C17orf78: variants seen among roughly 807,000 people sequenced by gnomAD.
C17orf78 encodes the protein chromosome 17 open reading frame 78.
C17orf78 carries 27 observed loss-of-function variants against 31.8 expected under a neutral mutation model. The ratio of observed to expected loss-of-function variants is 0.85; its 90% CI spans 0.63 to 1.17. The LOEUF (loss-of-function observed/expected upper bound fraction) is 1.17, where lower values mean the gene tolerates loss of function less well. Ranked by LOEUF, C17orf78 falls within the 50% of genes most tolerant of loss-of-function variation. The pLI is 0.00. For missense variants in C17orf78, 258 were observed against 315.2 expected, an observed-to-expected ratio of 0.82 and a Z score of 1.37; for synonymous variants, 106 against 115.1, an observed-to-expected ratio of 0.92 and a Z score of 0.51.
intron 3 of C17orf78, among the ~76,000 whole-genome samples, chr17:37,381,478 G>A (rs548227608): frequency 2.0e-5 from 3 of 151,320 alleles, no homozygotes; most frequent in African/African-American, 2.4e-5. Flanking sequence ...TAGCCACTGC[G>A]CCTGGCCAAT....
At chr17:37,391,284 T>G (rs1166658143) in intron 6 of C17orf78, among the ~76,000 whole-genome samples, 1 of 152,178 alleles carries the variant, frequency 6.6e-6, no homozygotes, top group Admixed American at 6.6e-5. Context: ...ATTATCTCAT[T>G]TGAGCCTTAC....
In C17orf78 at chr17:37,386,031, A is replaced by C. The variant is rs761089241; in HGVS notation, c.414A>C (p.Gln138His). 6.3e-7 allele frequency: 1 copy of C among 1,598,538 alleles called. No individual in the cohort carries two copies. Among genetic ancestry groups the C allele is most frequent in the African/African-American group, 1.3e-5 (1 of 74,500 alleles). Residue 138 changes from glutamine (Q) to histidine (H), a missense_variant, in exon 4 of 7, where the codon CAA becomes CAC. Gln to His is a conservative substitution (Grantham distance 24). Transcript: ENST00000615133. ...KGKAFLPGIS[Q>H]CKVLGASSET... is the part of the protein sequence containing the mutation. ...TAGCTTTTTTACCAGGGATCTCACA[A>C]TGTAAAGTCCTGGGGGCTTCATCAG...
chr17:37,391,365 T>C lies in C17orf78; in HGVS notation c.751-282T>C, dbSNP rs78426879. 3.9e-5 allele frequency among the ~76,000 whole-genome samples: 6 copies of C among 152,342 alleles called. No homozygotes were observed. In the East Asian group the frequency reaches 1.2e-3, roughly 29 times the overall value. The stretch of plus-strand genomic sequence containing the variant: ...TACTTAAGTTGAGGCTTGAAGAGGT[T>C]ATGTGACTTCCCAAGGTTACACAGC... On this transcript the variant is annotated intron_variant, in intron 6 of 6. Coordinates refer to ENST00000615133, the MANE Select transcript of C17orf78 (RefSeq NM_173625.5).
chr17:37,377,872 C>T lies in C17orf78; in HGVS notation c.59-7C>T, dbSNP rs747097384. On this transcript the variant is annotated splice_polypyrimidine_tract_variant and splice_region_variant and intron_variant, in intron 1 of 6. Transcript: ENST00000615133. ...GGTTCCCCTCCTCCCCCTCTGCTCACCCCCAGACCTCAGAGATAGCAGTTG... is the reference window on the plus strand; with the variant it reads ...GGTTCCCCTCCTCCCCCTCTGCTCATCCCCAGACCTCAGAGATAGCAGTTG... The T allele has an allele frequency of 8.1e-6, 13 of 1,611,814 alleles. No homozygotes were observed. The African/African-American group carries it at 1.2e-4, about 15-fold the overall frequency.
chr17:37,389,078 C>T (rs2050676100), intron 5 of C17orf78, among the ~76,000 whole-genome samples, 168 bp from the exon 6 acceptor site: 1 of 152,150 alleles, frequency 6.6e-6, no homozygotes, highest in Non-Finnish European at 1.5e-5. Flanking sequence ...AAATGCAGTT[C>T]CTTTCCTCTG....
intron 3 of C17orf78, among the ~76,000 whole-genome samples, chr17:37,382,772 A>G (rs1042068734): frequency 7.2e-5 from 11 of 152,204 alleles, no homozygotes; most frequent in Admixed American, 2.0e-4. Context: ...AGACAGAAGA[A>G]TAGCTTGAAC....
At chr17:37,376,559 G>A (rs1191783102) in intron 1 of C17orf78, among the ~76,000 whole-genome samples, 1 of 152,192 alleles carries the variant, frequency 6.6e-6, no homozygotes, top group African/African-American at 2.4e-5. Flanking sequence ...AGAGCTGAGG[G>A]AAAGGGTGAT....
In C17orf78 at chr17:37,382,845, C is replaced by A. The variant is rs141162910; in HGVS notation, c.392-3164C>A. On this transcript the variant is annotated intron_variant, in intron 3 of 6. Transcript: ENST00000615133. ...ACTGCACTCCAGCCTGGCGACAGAG[C>A]GAGACTCTGTCTCAAAAAACAAAAC... is the stretch of plus-strand genomic sequence containing the variant. 4.7e-3 allele frequency among the ~76,000 whole-genome samples: 718 copies of A among 151,916 alleles called. 7 individuals are homozygous for A. Among genetic ancestry groups the A allele is most frequent in the African/African-American group, 0.017 (687 of 41,418 alleles).
intron 5 of C17orf78, 54 bp downstream of exon 5, chr17:37,388,848 T>C (rs1320913594): frequency 1.6e-5 from 25 of 1,595,590 alleles, no homozygotes; most frequent in Non-Finnish European, 2.1e-5. Flanking sequence ...GACTTTCTTC[T>C]GTTCCAGAGG....
At chr17:37,382,099 ATTC>A (rs1428945398) in intron 3 of C17orf78, among the ~76,000 whole-genome samples, 1 of 152,064 alleles carries the variant, frequency 6.6e-6, no homozygotes, top group Non-Finnish European at 1.5e-5. Context: ...ATCTATATAT[ATTC>A]TTCTTGTATA....
At position 37,390,244 on chromosome 17, in the gene C17orf78, ATATATATAT is replaced by A. The variant is rs1216474563; in HGVS notation, c.750+891_750+899del. ...TATATATAATTATATATAATATATT[ATATATATAT>A]TATATATAATTATATATAATATATT... On this transcript the variant is annotated intron_variant, in intron 6 of 6. Coordinates refer to ENST00000615133, the MANE Select transcript of C17orf78 (RefSeq NM_173625.5). 7.2e-3 allele frequency among the ~76,000 whole-genome samples: 350 copies of A among 48,506 alleles called. 14 individuals carry two copies. Among genetic ancestry groups the A allele is most frequent in the African/African-American group, 0.033 (243 of 7,364 alleles). The allele number at this position is 48,506 out of a possible 152,430, so 31.8% of individuals were successfully genotyped here.
rs184241220 is a variant in C17orf78 at position 37,384,013 on chromosome 17, C to A, written c.392-1996C>A. On this transcript the variant is annotated intron_variant, in intron 3 of 6. Transcript: ENST00000615133. ...GGGCGCGGTGTCTCATGCCTGTAAT[C>A]CCAGCACTTTGGGAGCCCGAGGCGG... Among the ~76,000 whole-genome samples the A allele has an allele frequency of 4.6e-5, 7 of 152,274 alleles. No individual in the cohort carries two copies. The East Asian group carries it at 1.3e-3, about 29-fold the overall frequency.
intron 3 of C17orf78, among the ~76,000 whole-genome samples, chr17:37,381,064 T>C (rs1400081834): frequency 6.6e-6 from 1 of 152,076 alleles, no homozygotes; most frequent in Non-Finnish European, 1.5e-5. Context: ...CTTCCGGAGA[T>C]ACTCTAAGAA....
intron 5 of C17orf78, 79 bp downstream of exon 5, chr17:37,388,873 G>A: frequency 1.3e-6 from 2 of 1,534,148 alleles, no homozygotes; most frequent in South Asian, 1.2e-5. Context: ...TTGGCATAAG[G>A]AGAAAAGCAT....
At chr17:37,377,855 T>A in intron 1 of C17orf78, 24 bp from the exon 2 acceptor site, 7 of 1,433,138 alleles carry the variant, frequency 4.9e-6, no homozygotes, top group East Asian at 2.4e-5. Flanking sequence ...CCGGTTCCCC[T>A]CCTCCCCCTC....
chr17:37,388,831 C>T (rs754800359), intron 5 of C17orf78, 37 bp downstream of exon 5: 46 of 1,608,098 alleles, frequency 2.9e-5, no homozygotes, highest in South Asian at 2.4e-4. Context: ...TGAACTTGAC[C>T]CATAAAGACT....
chr17:37,381,058 C>A (rs573514495), intron 3 of C17orf78, among the ~76,000 whole-genome samples: 4 of 151,960 alleles, frequency 2.6e-5, no homozygotes, highest in Admixed American at 2.0e-4. Flanking sequence ...TATTTCCTTC[C>A]GGAGATACTC....
At chr17:37,391,378 A>G (rs1356321814) in intron 6 of C17orf78, among the ~76,000 whole-genome samples, 2 of 152,210 alleles carry the variant, frequency 1.3e-5, no homozygotes, top group Non-Finnish European at 2.9e-5. Flanking sequence ...GTGACTTCCC[A>G]AGGTTACACA....
At chr17:37,391,289 C>A (rs1468081560) in intron 6 of C17orf78, among the ~76,000 whole-genome samples, 4 of 152,140 alleles carry the variant, frequency 2.6e-5, no homozygotes, top group Non-Finnish European at 5.9e-5. Flanking sequence ...CTCATTTGAG[C>A]CTTACAGAAA....
Sources: allele counts gnomAD v4.1 joint callset (sites outside exome capture counted in the v4.1 genomes callset), GRCh38; gene constraint gnomAD v4.1.1; transcripts MANE v1.5; gene names NCBI Gene and HGNC (gene_info 2026-07-23, HGNC 2026-07-21).